Variants in SEC14L2 observed in about 807,000 individuals in gnomAD.
SEC14L2 encodes the protein SEC14 like lipid binding 2.
Under a neutral mutation model 56.9 loss-of-function variants are expected in SEC14L2, and 50 were observed. The ratio of observed to expected loss-of-function variants is 0.88; its 90% CI spans 0.70 to 1.11. The LOEUF is 1.11. Among genes scored for constraint, SEC14L2 ranks in the 50% most tolerant of loss-of-function variants. SEC14L2 has a pLI of 0.00. For missense variants in SEC14L2, 414 were observed against 500.7 expected (o/e 0.83, Z 1.65); for synonymous variants, 179 against 188.5 (o/e 0.95, Z 0.41).
chr22:30,424,867 C>A lies in SEC14L2; in HGVS notation c.*2460C>A. The A allele has an allele frequency of 2.2e-6, 1 of 454,846 alleles. No homozygotes were observed. Among genetic ancestry groups the A allele is most frequent in the Non-Finnish European group, 4.4e-6 (1 of 226,000 alleles). The allele number at this position is 454,846 out of a possible 1,614,324, so 28.2% of individuals were successfully genotyped here. On this transcript the variant is annotated 3_prime_UTR_variant, in exon 12 of 12. Coordinates refer to ENST00000615189, the MANE Select transcript of SEC14L2 (RefSeq NM_012429.5). The stretch of plus-strand genomic sequence containing the variant: ...CTCCTGTTGTAATCACTAACCCCAA[C>A]TCTGTCTCCCTTGCCCGATTCATTC...
In SEC14L2 at chr22:30,423,776, C is replaced by T. The variant is rs1934588543; in HGVS notation, c.*1369C>T. On this transcript the variant is annotated 3_prime_UTR_variant, in exon 12 of 12. Coordinates refer to ENST00000615189, the MANE Select transcript of SEC14L2 (RefSeq NM_012429.5). Reference sequence around the variant, plus strand: ...GCCTCTGCCAGAACGCTCAGGACATCCCGGCCTGGGTTTACAACGCTGTTA... The same window carrying T: ...GCCTCTGCCAGAACGCTCAGGACATTCCGGCCTGGGTTTACAACGCTGTTA... 6.6e-6 allele frequency: 1 copy of T among 152,358 alleles called. No individual in the cohort carries two copies. The highest frequency in any genetic ancestry group is 6.5e-5 in the Admixed American group (1 of 15,294). 9.4% of individuals were successfully genotyped at this position (152,358 alleles called of 1,614,324 possible).
intron 2 of SEC14L2, 42 bp from the exon 3 acceptor site, chr22:30,406,300 C>T (rs1236336324): frequency 3.1e-6 from 5 of 1,608,040 alleles, no homozygotes; most frequent in Non-Finnish European, 4.3e-6. Context: ...GACACCCAGT[C>T]CTGCTAACCT....
In SEC14L2 at chr22:30,399,646, C is replaced by A; in HGVS notation, c.58C>A (p.Arg20=). 6.2e-7 allele frequency: 1 copy of A among 1,612,876 alleles called. No individual in the cohort carries two copies. Among genetic ancestry groups the A allele is most frequent in the East Asian group, 2.2e-5 (1 of 44,862 alleles). ...PRQKEALAKF[R]ENVQDVLPAL... ...ACCCCGATGCCTCTCCCTACAGTTTCGGGAGAATGTCCAGGATGTGCTGCC... is the reference window on the plus strand; with the variant it reads ...ACCCCGATGCCTCTCCCTACAGTTTAGGGAGAATGTCCAGGATGTGCTGCC... The change falls in exon 2 of 12, where the codon CGG becomes AGG. Residue 20 remains arginine (R), a synonymous_variant. Transcript: ENST00000615189.
Position 30,397,304 on chromosome 22 carries a change from C to T in SEC14L2, c.54+134C>T, listed in dbSNP as rs1263691131. 4 of 827,262 alleles carry T rather than the reference C, an allele frequency of 4.8e-6. No individual in the cohort carries two copies. In the East Asian group the frequency reaches 1.3e-4, roughly 27 times the overall value. The allele number at this position is 827,262 out of a possible 1,614,324, so 51.2% of individuals were successfully genotyped here. On this transcript the variant is annotated intron_variant, in intron 1 of 11. Transcript: ENST00000615189. ...GCGGAGGGAACAGAGGCGGCTGTCC[C>T]AGCCTGGCCCGCGCCCGCGGATGGC...
chr22:30,398,691 C>CA (rs1384432896), intron 1 of SEC14L2: 2 of 471,458 alleles, frequency 4.2e-6, no homozygotes, highest in African/African-American at 4.0e-5. Flanking sequence ...GCACAAATGC[C>CA]ATGTTTTATA....
intron 2 of SEC14L2, among the ~76,000 whole-genome samples, chr22:30,403,803 A>AC (rs1344528407): frequency 2.0e-5 from 3 of 152,024 alleles, no homozygotes; most frequent in Non-Finnish European, 2.9e-5. Context: ...GGAGATCGAG[A>AC]CCATCCTGGC....
chr22:30,421,932 TCTC>T (rs1274289241), intron 11 of SEC14L2, among the ~76,000 whole-genome samples: 3 of 152,164 alleles, frequency 2.0e-5, no homozygotes, highest in Admixed American at 2.0e-4. Flanking sequence ...TGCTGCTAAT[TCTC>T]CTCCCTCCTT....
Position 30,416,406 on chromosome 22 carries a change from A to T in SEC14L2, c.1081+3A>T. The T allele has an allele frequency of 6.2e-7, 1 of 1,614,198 alleles. No homozygotes were observed. The highest frequency in any genetic ancestry group is 8.5e-7 in the Non-Finnish European group (1 of 1,180,036). On this transcript the variant is annotated splice_donor_region_variant and intron_variant, in intron 11 of 11. Coordinates refer to ENST00000615189, the MANE Select transcript of SEC14L2 (RefSeq NM_012429.5). ...CACCTGCAGTGATCCTGGCATCTGTAAGTATCTCTGCCTTGGCAATGCCTT... is the reference window on the plus strand; with the variant it reads ...CACCTGCAGTGATCCTGGCATCTGTTAGTATCTCTGCCTTGGCAATGCCTT...
chr22:30,423,691 T>G lies in SEC14L2; in HGVS notation c.*1284T>G, dbSNP rs572425454. ...GTCTGGGAAGCTCATCTTGCGAAGC[T>G]GAGGGAGCTCAGGGCAAAGGCCAGG... On this transcript the variant is annotated 3_prime_UTR_variant, in exon 12 of 12. Coordinates refer to ENST00000615189, the MANE Select transcript of SEC14L2 (RefSeq NM_012429.5). 1.3e-5 allele frequency: 2 copies of G among 152,418 alleles called. No individual in the cohort carries two copies. The highest frequency in any genetic ancestry group is 6.5e-5 in the Admixed American group (1 of 15,310). 9.4% of individuals were successfully genotyped at this position (152,418 alleles called of 1,614,324 possible).
chr22:30,416,451 T>A (rs1208476500), intron 11 of SEC14L2, 48 bp downstream of exon 11: 1 of 1,614,136 alleles, frequency 6.2e-7, no homozygotes, highest in Non-Finnish European at 8.5e-7. Context: ...TGTCCAGCTT[T>A]CTGCCTGTGA....
intron 8 of SEC14L2, among the ~76,000 whole-genome samples, chr22:30,415,184 C>A (rs1395145369): frequency 6.6e-6 from 1 of 152,162 alleles, no homozygotes; most frequent in East Asian, 1.9e-4. Flanking sequence ...GTAATCCCAG[C>A]ACTTTGGGAG....
rs1933772778 is a variant in SEC14L2 at position 30,397,128 on chromosome 22, A to AGTCGGCGATCTGAGCCCCAGG, written c.13_33dup (p.Val5_Arg11dup). ...GCGGTTGAGCCACGATGAGCGGCAG[A>AGTCGGCGATCTGAGCCCCAGG]GTCGGCGATCTGAGCCCCAGGCAGA... On this transcript the variant is annotated inframe_insertion, in exon 1 of 12. Coordinates refer to ENST00000615189, the MANE Select transcript of SEC14L2 (RefSeq NM_012429.5). 6.5e-7 allele frequency: 1 copy of AGTCGGCGATCTGAGCCCCAGG among 1,548,232 alleles called. No homozygotes were observed. The highest frequency in any genetic ancestry group is 8.7e-7 in the Non-Finnish European group (1 of 1,146,084).
intron 2 of SEC14L2, among the ~76,000 whole-genome samples, chr22:30,405,878 GGA>G (rs906040450): frequency 2.6e-5 from 4 of 151,752 alleles, no homozygotes; most frequent in Non-Finnish European, 4.4e-5. Context: ...TTGTTTTTTT[GGA>G]GAGACGAGGT....
At chr22:30,409,335 G>A (rs1253516314) in intron 6 of SEC14L2, 53 bp downstream of exon 6, 1 of 1,594,488 alleles carries the variant, frequency 6.3e-7, no homozygotes, top group Non-Finnish European at 8.6e-7. Flanking sequence ...AGGAGGAGTA[G>A]ACCCCTCTCC....
Position 30,409,487 on chromosome 22 carries a change from G to T in SEC14L2, c.580+1G>T, listed in dbSNP as rs1419972807. 2.5e-6 allele frequency: 4 copies of T among 1,613,898 alleles called. No homozygotes were observed. In the East Asian group the frequency reaches 6.7e-5, roughly 27 times the overall value. On this transcript the variant is annotated splice_donor_variant, in intron 7 of 11. Coordinates refer to ENST00000615189, the MANE Select transcript of SEC14L2 (RefSeq NM_012429.5). LOFTEE classifies it high-confidence loss of function. ...CTGAAGCGTCTTTTTGTTGTTAAAG[G>T]TAAGTTGGGAATTTCTTGTGATAAA...
intron 1 of SEC14L2, chr22:30,397,763 G>A (rs1933797993): frequency 4.5e-5 from 20 of 446,658 alleles, no homozygotes; most frequent in South Asian, 2.7e-4. Context: ...CCCCCATGAG[G>A]CACTGGGTTG....
intron 1 of SEC14L2, among the ~76,000 whole-genome samples, chr22:30,398,386 G>A (rs1198147128): frequency 4.6e-5 from 7 of 152,148 alleles, no homozygotes; most frequent in Admixed American, 3.9e-4. Context: ...CCTAGGCAAG[G>A]GGCAGAGGTG....
intron 8 of SEC14L2, among the ~76,000 whole-genome samples, chr22:30,412,561 CCAAA>C (rs1934278061): frequency 1.3e-5 from 2 of 151,880 alleles, no homozygotes; most frequent in Admixed American, 1.3e-4. Flanking sequence ...GCCCATAATC[CCAAA>C]CACTTTGTGA....
chr22:30,406,490 A>C, intron 3 of SEC14L2, 105 bp downstream of exon 3: 1 of 1,155,300 alleles, frequency 8.7e-7, no homozygotes, highest in Non-Finnish European at 1.3e-6. Flanking sequence ...TTTGGCTTTG[A>C]GTATTAGCCG....
Sources: allele counts gnomAD v4.1 joint callset (sites outside exome capture counted in the v4.1 genomes callset), GRCh38; gene constraint gnomAD v4.1.1; transcripts MANE v1.5; gene names NCBI Gene and HGNC (gene_info 2026-07-23, HGNC 2026-07-21).